CDK14: variants seen among roughly 807,000 people sequenced by gnomAD.
CDK14 encodes the protein cyclin-dependent kinase 14.
CDK14 carries 34 observed loss-of-function variants against 60.7 expected under a neutral mutation model. The observed-to-expected ratio is 0.56, with a 90% CI of 0.43 to 0.75. CDK14 has a LOEUF of 0.75. Ranked by LOEUF, CDK14 falls within the 30% of genes least tolerant of loss-of-function variation. CDK14 has a pLI of 0.00. For synonymous variants in CDK14, 197 were observed against 203.7 expected (o/e 0.97, Z 0.28); for missense variants, 482 against 564.1 (o/e 0.85, Z 1.47).
intron 8 of CDK14, among the ~76,000 whole-genome samples, chr7:90,938,525 A>C (rs764886002): frequency 2.6e-5 from 4 of 152,186 alleles, no homozygotes; most frequent in Non-Finnish European, 5.9e-5. Context: ...TTATTACTTC[A>C]CATATTGCCA....
chr7:90,724,262 T>C (rs773494307), intron 2 of CDK14, among the ~76,000 whole-genome samples: 4 of 152,130 alleles, frequency 2.6e-5, no homozygotes, highest in Non-Finnish European at 5.9e-5. Context: ...TGTAGTGATA[T>C]CACTGCTCCC....
intron 11 of CDK14, among the ~76,000 whole-genome samples, chr7:91,060,566 C>T (rs947921178): frequency 1.3e-5 from 2 of 152,140 alleles, no homozygotes; most frequent in African/African-American, 2.4e-5. Context: ...GTTTCTGCTT[C>T]CTTCAGGAGC....
chr7:90,686,565 G>A (rs1277078120), intron 2 of CDK14, among the ~76,000 whole-genome samples: 1 of 152,084 alleles, frequency 6.6e-6, no homozygotes, highest in South Asian at 2.1e-4. Context: ...AAAATTGAAG[G>A]ACACTATTAT....
intron 5 of CDK14, among the ~76,000 whole-genome samples, chr7:90,826,283 A>G (rs1789719576): frequency 1.3e-5 from 2 of 152,098 alleles, no homozygotes; most frequent in Admixed American, 6.6e-5. Flanking sequence ...CAGTGGCGTG[A>G]TCTCGGCTCA....
intron 11 of CDK14, among the ~76,000 whole-genome samples, chr7:91,047,325 A>G (rs941092781): frequency 1.3e-5 from 2 of 152,242 alleles, no homozygotes; most frequent in Non-Finnish European, 2.9e-5. Context: ...TGGCCAGCCT[A>G]GTTTCTGGAT....
chr7:90,945,818 A>G (rs1794082800), intron 8 of CDK14, among the ~76,000 whole-genome samples: 1 of 152,212 alleles, frequency 6.6e-6, no homozygotes, highest in African/African-American at 2.4e-5. Flanking sequence ...CATGTATTTC[A>G]CAGACAAAGC....
chr7:90,819,328 T>A (rs1022402984), intron 5 of CDK14, among the ~76,000 whole-genome samples: 1 of 152,196 alleles, frequency 6.6e-6, no homozygotes, highest in Non-Finnish European at 1.5e-5. Flanking sequence ...AGAAGGTATC[T>A]AGCAAGTGTT....
chr7:90,884,884 G>T (rs1286561710), intron 6 of CDK14, among the ~76,000 whole-genome samples: 1 of 152,336 alleles, frequency 6.6e-6, no homozygotes, highest in South Asian at 2.1e-4. Flanking sequence ...CTAGCCATAT[G>T]TGGAAAACTG....
At chr7:91,147,740 T>TC (rs927811659) in intron 14 of CDK14, among the ~76,000 whole-genome samples, 2 of 151,310 alleles carry the variant, frequency 1.3e-5, no homozygotes, top group African/African-American at 4.9e-5. Flanking sequence ...CTTTCCCCCC[T>TC]CCCCCCCATT....
At chr7:90,601,922 T>TATGTATGTATG (rs1799322456) in intron 1 of CDK14, among the ~76,000 whole-genome samples, 3 of 143,274 alleles carry the variant, frequency 2.1e-5, no homozygotes, top group Non-Finnish European at 4.6e-5. Context: ...TTGGCTAATT[T>TATGTATGTATG]TATGTATGTA....
chr7:90,908,191 G>T (rs1022193441), intron 7 of CDK14, among the ~76,000 whole-genome samples: 3 of 152,054 alleles, frequency 2.0e-5, no homozygotes, highest in African/African-American at 7.2e-5. Flanking sequence ...AATGATAAAA[G>T]AAAATGAAGT....
intron 10 of CDK14, among the ~76,000 whole-genome samples, chr7:91,008,001 T>G (rs1288876249): frequency 6.6e-6 from 1 of 151,846 alleles, no homozygotes; most frequent in African/African-American, 2.4e-5. Flanking sequence ...TGAGGGATGG[T>G]GCTGACCTCC....
intron 10 of CDK14, among the ~76,000 whole-genome samples, chr7:91,004,727 A>G (rs1309345376): frequency 6.6e-6 from 1 of 152,192 alleles, no homozygotes; most frequent in Non-Finnish European, 1.5e-5. Flanking sequence ...ATTAATGAAT[A>G]GCACTGAGGC....
At chr7:90,598,113 G>T (rs756551134) in intron 1 of CDK14, among the ~76,000 whole-genome samples, 3 of 152,180 alleles carry the variant, frequency 2.0e-5, no homozygotes, top group African/African-American at 4.8e-5. Context: ...GCAGAGGCGG[G>T]TTCTGGAGTC....
intron 14 of CDK14, among the ~76,000 whole-genome samples, chr7:91,181,010 A>G (rs888799441): frequency 2.6e-5 from 4 of 152,192 alleles, no homozygotes; most frequent in African/African-American, 9.7e-5. Context: ...TTCCTCTTAA[A>G]TATTTCAGAA....
intron 5 of CDK14, among the ~76,000 whole-genome samples, chr7:90,856,005 A>T (rs1348200324): frequency 6.6e-6 from 1 of 152,206 alleles, no homozygotes; most frequent in Non-Finnish European, 1.5e-5. Context: ...GAGCAAGAGA[A>T]GTGTGTAGTG....
At chr7:90,975,822 A>G (rs937034357) in intron 9 of CDK14, among the ~76,000 whole-genome samples, 1 of 152,152 alleles carries the variant, frequency 6.6e-6, no homozygotes, top group Non-Finnish European at 1.5e-5. Context: ...TATTTCACTT[A>G]AGATAATGCC....
intron 5 of CDK14, among the ~76,000 whole-genome samples, chr7:90,841,822 G>T (rs1790303294): frequency 6.6e-6 from 1 of 151,958 alleles, no homozygotes; most frequent in Non-Finnish European, 1.5e-5. Context: ...TAATTTTCAT[G>T]GAGTGCCCAC....
intron 12 of CDK14, among the ~76,000 whole-genome samples, chr7:91,098,695 C>T (rs1271881462): frequency 1.3e-5 from 2 of 152,078 alleles, no homozygotes; most frequent in Non-Finnish European, 1.5e-5. Context: ...AGAAAGAGTT[C>T]TGTGGAATGT....
Sources: gnomAD v4.1 joint callset for allele counts (sites outside exome capture counted in the v4.1 genomes callset) on GRCh38, gnomAD v4.1.1 for gene constraint, MANE v1.5 for transcripts, NCBI Gene and HGNC (gene_info 2026-07-23, HGNC 2026-07-21) for gene names.